TENM1: variants seen among roughly 807,000 people sequenced by gnomAD.
The protein encoded by TENM1 is teneurin-1.
TENM1 carries 35 observed loss-of-function variants against 174.8 expected under a neutral mutation model. That is an observed-to-expected ratio of 0.20 (90% CI 0.15 to 0.27). The LOEUF (loss-of-function observed/expected upper bound fraction) is 0.27. TENM1 is among the 10% of genes least tolerant of loss of function. The pLI is 1.00. For synonymous variants in TENM1, 781 were observed against 798.7 expected, an observed-to-expected ratio of 0.98 and a Z score of 0.37; for missense variants, 1,633 against 2,130.1, an observed-to-expected ratio of 0.77 and a Z score of 4.59.
intron 1 of TENM1, among the ~76,000 whole-genome samples, chrX:124,902,031 T>C (rs1184961392): frequency 8.9e-6 from 1 of 112,268 alleles, no homozygotes; most frequent in South Asian, 3.7e-4. Flanking sequence ...TGTTATTAAT[T>C]ATCCATTTGG....
At chrX:125,198,157 C>G in the TENM1 span, among the ~76,000 whole-genome samples, 1,896 of 111,960 alleles carry the variant, frequency 0.017, 47 homozygotes, top group African/African-American at 0.058. Flanking sequence ...TTAAAACAAC[C>G]AGTATGCTTT....
chrX:124,791,627 C>T (rs976346834), intron 3 of TENM1, among the ~76,000 whole-genome samples: 2 of 111,490 alleles, frequency 1.8e-5, no homozygotes, highest in Admixed American at 1.9e-4. Context: ...CAGAAAGGAC[C>T]TGATAATAAG....
chrX:125,015,030 T>C, the TENM1 span, among the ~76,000 whole-genome samples: 29 of 111,071 alleles, frequency 2.6e-4, no homozygotes, highest in African/African-American at 8.8e-4. Flanking sequence ...GTCATGTAAA[T>C]TGCCAGCATT....
In TENM1 at chrX:124,900,105, G is replaced by C. The variant is rs113864131; in HGVS notation, c.218-3864C>G. ...AAACTGTACAAAGTTGTTCATACCAGCTTTATTCAAAAATAGCTAAAAAGT... is the reference window on the plus strand; with the variant it reads ...AAACTGTACAAAGTTGTTCATACCACCTTTATTCAAAAATAGCTAAAAAGT... On this transcript the variant is annotated intron_variant, in intron 1 of 31. Transcript: ENST00000422452. Among the ~76,000 whole-genome samples, 974 of 112,279 alleles carry C rather than the reference G, an allele frequency of 8.7e-3. 13 individuals are homozygous for C. Among genetic ancestry groups the C allele is most frequent in the African/African-American group, 0.03 (939 of 30,935 alleles).
At chrX:125,067,484 T>G in the TENM1 span, among the ~76,000 whole-genome samples, 138 of 111,999 alleles carry the variant, frequency 1.2e-3, no homozygotes, top group African/African-American at 4.0e-3. Context: ...GTTTATCTAA[T>G]GAAAGCTTTT....
chrX:124,663,720 T>G (rs1468570879), intron 6 of TENM1, among the ~76,000 whole-genome samples: 1 of 110,333 alleles, frequency 9.1e-6, no homozygotes, highest in Admixed American at 9.6e-5. Context: ...CAGACCTATT[T>G]CTTACTGCAT....
intron 23 of TENM1, among the ~76,000 whole-genome samples, chrX:124,439,788 G>GTAA (rs769085135): frequency 2.9e-3 from 322 of 111,117 alleles, no homozygotes; most frequent in African/African-American, 9.9e-3. Flanking sequence ...ACTAGTAATA[G>GTAA]TAATAATAAT....
At chrX:124,663,076 G>A (rs1453881430) in intron 6 of TENM1, among the ~76,000 whole-genome samples, 2 of 111,637 alleles carry the variant, frequency 1.8e-5, no homozygotes, top group Non-Finnish European at 3.8e-5. Flanking sequence ...CATTTGAGGT[G>A]GTCAGGTATG....
chrX:124,443,068 G>GTA (rs1417358721), intron 23 of TENM1, among the ~76,000 whole-genome samples: 3 of 71,357 alleles, frequency 4.2e-5, no homozygotes, highest in African/African-American at 1.2e-4. Context: ...GTGTGTGTGT[G>GTA]TGTGTGTGTG....
intron 16 of TENM1, among the ~76,000 whole-genome samples, chrX:124,527,806 G>A (rs1331488302): frequency 9.8e-6 from 1 of 101,648 alleles, no homozygotes; most frequent in African/African-American, 3.7e-5. Flanking sequence ...CCGCCACCAC[G>A]CCCAGCTATT....
chrX:124,622,257 C>T, intron 11 of TENM1, among the ~76,000 whole-genome samples: 1 of 111,742 alleles, frequency 8.9e-6, no homozygotes, highest in Non-Finnish European at 1.9e-5. Context: ...GGTCGAATAT[C>T]AGCAATTTCA....
chrX:124,677,942 G>C (rs2052132027), intron 5 of TENM1, among the ~76,000 whole-genome samples: 2 of 111,690 alleles, frequency 1.8e-5, no homozygotes, highest in African/African-American at 6.5e-5. Context: ...CAGGAATACA[G>C]TGATTCTGTG....
chrX:124,827,255 T>C lies in TENM1; in HGVS notation c.535+67041A>G, dbSNP rs765527567. Among the ~76,000 whole-genome samples, 6 of 111,560 alleles carry C rather than the reference T, an allele frequency of 5.4e-5. No homozygotes were observed. In the East Asian group the frequency reaches 1.7e-3, roughly 32 times the overall value. ...TAGTAGAGACGGGGTTTCACCATGT[T>C]GGCCAGGCTGGTCTCGAACTCCTGA... On this transcript the variant is annotated intron_variant, in intron 3 of 31. Transcript: ENST00000422452.
chrX:124,533,700 T>C (rs2048152598), intron 15 of TENM1, among the ~76,000 whole-genome samples: 1 of 112,302 alleles, frequency 8.9e-6, no homozygotes, highest in African/African-American at 3.2e-5. Context: ...AGAACTCTTC[T>C]AAATCTTTCA....
chrX:124,637,173 T>C (rs865908872), intron 11 of TENM1, among the ~76,000 whole-genome samples: 4 of 108,133 alleles, frequency 3.7e-5, no homozygotes, highest in Middle Eastern at 4.8e-3. Flanking sequence ...CACTGCAACC[T>C]CCGCCTCCCG....
In TENM1 at chrX:124,683,628, T is replaced by G. The variant is rs184153479; in HGVS notation, c.1016-11793A>C. ...TGACACTTAAATTTTATTGAATTAC[T>G]GGGTCACATGTAGCTGAAGTAAAAT... On this transcript the variant is annotated intron_variant, in intron 5 of 31. Coordinates refer to ENST00000422452, the Ensembl canonical transcript of TENM1. 5.9e-3 allele frequency among the ~76,000 whole-genome samples: 667 copies of G among 112,201 alleles called. 4 individuals are homozygous for G. The highest frequency in any genetic ancestry group is 9.4e-3 in the Non-Finnish European group (502 of 53,178).
At chrX:124,579,022 T>C (rs1228675900) in intron 11 of TENM1, among the ~76,000 whole-genome samples, 2 of 112,255 alleles carry the variant, frequency 1.8e-5, no homozygotes, top group African/African-American at 6.5e-5. Context: ...CTCTCTTTTC[T>C]ACTGGTCAGC....
chrX:124,785,015 C>A (rs1286257745), intron 3 of TENM1, among the ~76,000 whole-genome samples: 1 of 111,715 alleles, frequency 9.0e-6, no homozygotes, highest in Non-Finnish European at 1.9e-5. Context: ...TATTTCTATT[C>A]TTTGGCTAGT....
At chrX:125,000,136 T>C in the TENM1 span, among the ~76,000 whole-genome samples, 3 of 112,032 alleles carry the variant, frequency 2.7e-5, no homozygotes, top group African/African-American at 9.7e-5. Flanking sequence ...AATCCCATTT[T>C]TGCAGTGCAT....
Sources: allele counts gnomAD v4.1 joint callset (sites outside exome capture counted in the v4.1 genomes callset), GRCh38; gene constraint gnomAD v4.1.1; transcripts MANE v1.5; gene names NCBI Gene and HGNC (gene_info 2026-07-23, HGNC 2026-07-21).